CDH13: variants seen among roughly 807,000 people sequenced by gnomAD.
CDH13 encodes cadherin-13.
Under a neutral mutation model 63.8 loss-of-function variants are expected in CDH13, and 24 were observed. The ratio of observed to expected loss-of-function variants is 0.38; its 90% CI spans 0.27 to 0.53. The LOEUF (loss-of-function observed/expected upper bound fraction) is 0.53, where lower values mean the gene tolerates loss of function less well. CDH13 is among the 20% of genes least tolerant of loss of function. The pLI is 0.85. For synonymous variants in CDH13, 503 were observed against 355.3 expected, an observed-to-expected ratio of 1.42 and a Z score of -4.67; for missense variants, 1,049 against 903.1, an observed-to-expected ratio of 1.16 and a Z score of -2.07.
intron 6 of CDH13, among the ~76,000 whole-genome samples, chr16:83,439,628 G>A (rs1598023548): frequency 6.6e-6 from 1 of 152,314 alleles, no homozygotes; most frequent in East Asian, 1.9e-4. Context: ...GAAAGGCGAT[G>A]GCTTCGGCAA....
At chr16:83,322,571 G>C (rs915601997) in intron 5 of CDH13, among the ~76,000 whole-genome samples, 1 of 152,034 alleles carries the variant, frequency 6.6e-6, no homozygotes, top group Non-Finnish European at 1.5e-5. Context: ...GGTTCTTATG[G>C]GGGGGTGCAG....
intron 5 of CDH13, among the ~76,000 whole-genome samples, chr16:83,241,799 G>T (rs1904478856): frequency 6.6e-6 from 1 of 152,122 alleles, no homozygotes; most frequent in African/African-American, 2.4e-5. Flanking sequence ...TTTTCATTCT[G>T]TTGATTGTTT....
At chr16:83,526,974 C>G (rs1005811293) in intron 7 of CDH13, among the ~76,000 whole-genome samples, 9 of 151,296 alleles carry the variant, frequency 5.9e-5, no homozygotes, top group Non-Finnish European at 1.3e-4. Flanking sequence ...TATACTAAAA[C>G]TACAAAAATT....
Position 83,077,186 on chromosome 16 carries a change from C to CTTTTTTTTTTTTTTTTTTTTTT in CDH13, c.366+44971_366+44992dup, listed in dbSNP as rs34536219. ...TCTTTTCTTTTCTTTTTTTTCTTTT[C>CTTTTTTTTTTTTTTTTTTTTTT]TTTTTTTTTTTTTTTTTTTTTTTTG... On this transcript the variant is annotated intron_variant, in intron 3 of 13. Transcript: ENST00000567109. 2.0e-4 allele frequency among the ~76,000 whole-genome samples: 12 copies of CTTTTTTTTTTTTTTTTTTTTTT among 59,144 alleles called. 1 individual carries two copies. Among genetic ancestry groups the CTTTTTTTTTTTTTTTTTTTTTT allele is most frequent in the African/African-American group, 2.7e-4 (4 of 14,754 alleles). 38.8% of individuals were successfully genotyped at this position (59,144 alleles called of 152,430 possible).
chr16:83,783,047 G>A (rs1446146210), intron 12 of CDH13, among the ~76,000 whole-genome samples: 2 of 152,180 alleles, frequency 1.3e-5, no homozygotes, highest in Non-Finnish European at 2.9e-5. Context: ...AGCCATGTGT[G>A]GCTTCTGGGC....
chr16:83,479,355 G>C (rs781524246), intron 6 of CDH13, among the ~76,000 whole-genome samples: 1 of 152,188 alleles, frequency 6.6e-6, no homozygotes, highest in Non-Finnish European at 1.5e-5. Flanking sequence ...AATTGTGAGA[G>C]TCAATGAAAA....
At chr16:83,746,557 C>G (rs1197953545) in intron 10 of CDH13, among the ~76,000 whole-genome samples, 1 of 152,092 alleles carries the variant, frequency 6.6e-6, no homozygotes, top group Admixed American at 6.6e-5. Context: ...TTAACTTGCT[C>G]CAAGCCCTTC....
intron 13 of CDH13, among the ~76,000 whole-genome samples, chr16:83,791,008 A>T (rs1916227542): frequency 6.6e-6 from 1 of 152,180 alleles, no homozygotes; most frequent in Admixed American, 6.5e-5. Flanking sequence ...AAACTCAGAC[A>T]CAATAAAGAA....
chr16:82,934,360 C>G (rs2042597953), intron 2 of CDH13, among the ~76,000 whole-genome samples: 1 of 152,174 alleles, frequency 6.6e-6, no homozygotes, highest in African/African-American at 2.4e-5. Flanking sequence ...GAAGCTGGGA[C>G]ACAGAGCACT....
chr16:82,787,841 A>AGTGTGCGTGTGT (rs1555516773), intron 1 of CDH13, among the ~76,000 whole-genome samples: 36 of 146,654 alleles, frequency 2.5e-4, no homozygotes, highest in Non-Finnish European at 3.0e-5. Flanking sequence ...GAAGGGAGGA[A>AGTGTGCGTGTGT]GTGTGTGTGT....
intron 1 of CDH13, among the ~76,000 whole-genome samples, chr16:82,675,758 A>C (rs1468429030): frequency 1.3e-5 from 2 of 152,108 alleles, no homozygotes; most frequent in Non-Finnish European, 2.9e-5. Flanking sequence ...TTTTCTATAT[A>C]TCCAGTCCAG....
At chr16:83,071,106 C>T (rs1431430711) in intron 3 of CDH13, among the ~76,000 whole-genome samples, 1 of 152,052 alleles carries the variant, frequency 6.6e-6, no homozygotes, top group Non-Finnish European at 1.5e-5. Context: ...ATTTATTGAT[C>T]ATAATAATGT....
Position 83,404,429 on chromosome 16 carries a change from T to C in CDH13, c.781+59423T>C, listed in dbSNP as rs116552677. ...TGTCATTATATCCTTGTCTCAGTTTTCTTATCAGTAAGGGTAAGCAGCTTC... is the reference window on the plus strand; with the variant it reads ...TGTCATTATATCCTTGTCTCAGTTTCCTTATCAGTAAGGGTAAGCAGCTTC... On this transcript the variant is annotated intron_variant, in intron 6 of 13. Transcript: ENST00000567109. Among the ~76,000 whole-genome samples the C allele has an allele frequency of 3.7e-3, 559 of 152,326 alleles. 5 individuals are homozygous for C. Among genetic ancestry groups the C allele is most frequent in the African/African-American group, 0.013 (548 of 41,570 alleles).
At chr16:83,648,235 G>C (rs1262789360) in intron 8 of CDH13, among the ~76,000 whole-genome samples, 1 of 152,130 alleles carries the variant, frequency 6.6e-6, no homozygotes, top group East Asian at 1.9e-4. Context: ...TGTGTTCTCA[G>C]AGTCACATGT....
chr16:82,878,714 A>G (rs918792953), intron 2 of CDH13, among the ~76,000 whole-genome samples: 7 of 151,468 alleles, frequency 4.6e-5, no homozygotes, highest in African/African-American at 1.7e-4. Flanking sequence ...TTGGCAGGGA[A>G]CTTACAAATC....
intron 6 of CDH13, among the ~76,000 whole-genome samples, chr16:83,372,422 A>C (rs941609091): frequency 6.6e-6 from 1 of 152,108 alleles, no homozygotes; most frequent in Non-Finnish European, 1.5e-5. Context: ...TGCAAAAAAT[A>C]TATATGCTGA....
At chr16:83,466,178 G>T (rs958884602) in intron 6 of CDH13, among the ~76,000 whole-genome samples, 1 of 152,138 alleles carries the variant, frequency 6.6e-6, no homozygotes, top group African/African-American at 2.4e-5. Flanking sequence ...CGCTGTTTCC[G>T]TTTAAGCATG....
At chr16:82,795,340 C>T (rs184181160) in intron 1 of CDH13, among the ~76,000 whole-genome samples, 2 of 152,198 alleles carry the variant, frequency 1.3e-5, no homozygotes, top group Non-Finnish European at 2.9e-5. Context: ...AGACCACATT[C>T]TGCATCTTAG....
intron 2 of CDH13, among the ~76,000 whole-genome samples, chr16:83,010,127 C>T (rs71402047): frequency 4.1e-4 from 16 of 39,312 alleles, no homozygotes; most frequent in Non-Finnish European, 3.4e-4. Context: ...AAGAGCAAAA[C>T]TCTGTCTCAA....
Sources: gnomAD v4.1 joint callset for allele counts (sites outside exome capture counted in the v4.1 genomes callset) on GRCh38, gnomAD v4.1.1 for gene constraint, MANE v1.5 for transcripts, NCBI Gene and HGNC (gene_info 2026-07-23, HGNC 2026-07-21) for gene names.